KANK1: variants seen among roughly 807,000 people sequenced by gnomAD.
KANK1 encodes the protein KN motif and ankyrin repeat domains 1.
A neutral mutation model predicts 106.2 loss-of-function variants in KANK1; 109 were observed. The observed-to-expected ratio is 1.03, with a 90% CI of 0.88 to 1.20. KANK1 has a LOEUF of 1.20. Among genes scored for constraint, KANK1 ranks in the 50% most tolerant of loss-of-function variants. KANK1 has a pLI of 0.00. For missense variants in KANK1, 2,399 were observed against 1,710.7 expected, an observed-to-expected ratio of 1.40 and a Z score of -7.10; for synonymous variants, 873 against 652.2, an observed-to-expected ratio of 1.34 and a Z score of -5.16.
At position 741,041 on chromosome 9, in the gene KANK1, T is replaced by G. The variant is rs7027169; in HGVS notation, c.3696+107T>G. 0.44 allele frequency: 558,800 copies of G among 1,256,646 alleles called. 128,107 individuals are homozygous for G. The highest frequency in any genetic ancestry group is 0.55 in the African/African-American group (36,747 of 66,430). The allele number at this position is 1,256,646 out of a possible 1,614,324, so 77.8% of individuals were successfully genotyped here. On this transcript the variant is annotated intron_variant, in intron 9 of 11. Transcript: ENST00000382297. Reference sequence around the variant, plus strand: ...CATAGATGCCACGCTTCCACCACAGTGCACTTGTTTGCAGGCCTGCCCTGA... The same window carrying G: ...CATAGATGCCACGCTTCCACCACAGGGCACTTGTTTGCAGGCCTGCCCTGA...
chr9:482,647 C>T (rs1473830102), intron 3 of KANK1, among the ~76,000 whole-genome samples: 1 of 152,220 alleles, frequency 6.6e-6, no homozygotes, highest in Non-Finnish European at 1.5e-5. Context: ...GTTATCACTG[C>T]ATGTGATTGT....
At chr9:483,379 G>C (rs958230008) in intron 3 of KANK1, among the ~76,000 whole-genome samples, 1 of 152,116 alleles carries the variant, frequency 6.6e-6, no homozygotes, top group African/African-American at 2.4e-5. Context: ...ACTGGTTTTG[G>C]TTTGAATCAA....
intron 1 of KANK1, among the ~76,000 whole-genome samples, chr9:550,380 A>G (rs183315932): frequency 2.7e-5 from 4 of 150,252 alleles, no homozygotes; most frequent in Middle Eastern, 3.4e-3. Flanking sequence ...GCATCCGTAC[A>G]TGAAGCCTGA....
intron 1 of KANK1, among the ~76,000 whole-genome samples, chr9:637,022 C>G (rs925321341): frequency 6.6e-6 from 1 of 152,138 alleles, no homozygotes; most frequent in African/African-American, 2.4e-5. Context: ...AATATTTTAT[C>G]TAGTACTTTA....
At chr9:541,685 C>A (rs559627358) in intron 1 of KANK1, among the ~76,000 whole-genome samples, 8 of 152,108 alleles carry the variant, frequency 5.3e-5, no homozygotes, top group African/African-American at 1.9e-4. Context: ...AAGAGATGGC[C>A]TGTAGAATGG....
chr9:734,137 A>T (rs1341561601), intron 6 of KANK1: 1 of 146,660 alleles, frequency 6.8e-6, no homozygotes, highest in Non-Finnish European at 1.5e-5. Context: ...AAAAAAACTT[A>T]AAAATGGCAA....
chr9:602,093 C>G (rs139084680), intron 1 of KANK1, among the ~76,000 whole-genome samples: 1 of 151,738 alleles, frequency 6.6e-6, no homozygotes, highest in Non-Finnish European at 1.5e-5. Context: ...AATGCACATA[C>G]CCTGTAGAAA....
intron 7 of KANK1, among the ~76,000 whole-genome samples, chr9:735,374 C>G (rs1833500283): frequency 6.6e-6 from 1 of 152,132 alleles, no homozygotes; most frequent in African/African-American, 2.4e-5. Flanking sequence ...GAGCAAACAG[C>G]AAAGAGTTTG....
intron 1 of KANK1, among the ~76,000 whole-genome samples, chr9:543,060 A>G (rs1422657889): frequency 6.6e-6 from 1 of 152,240 alleles, no homozygotes; most frequent in Non-Finnish European, 1.5e-5. Context: ...CGAGGTGGGT[A>G]TGTTAATTAG....
At chr9:486,287 A>G (rs1356355191) in intron 3 of KANK1, among the ~76,000 whole-genome samples, 1 of 152,224 alleles carries the variant, frequency 6.6e-6, no homozygotes. Flanking sequence ...AAGTCCGTGT[A>G]ACTCTGAATT....
intron 1 of KANK1, among the ~76,000 whole-genome samples, chr9:638,713 T>C (rs920674333): frequency 6.6e-6 from 1 of 152,220 alleles, no homozygotes; most frequent in Non-Finnish European, 1.5e-5. Flanking sequence ...AAATTTGCGA[T>C]CTGCCCTTGA....
At chr9:510,226 A>G (rs914910112) in intron 1 of KANK1, among the ~76,000 whole-genome samples, 1 of 152,204 alleles carries the variant, frequency 6.6e-6, no homozygotes, top group Admixed American at 6.5e-5. Context: ...TAAAAATAGC[A>G]TAAATTGAAC....
chr9:578,514 A>C (rs992931703), intron 1 of KANK1, among the ~76,000 whole-genome samples: 2 of 152,084 alleles, frequency 1.3e-5, no homozygotes, highest in African/African-American at 2.4e-5. Flanking sequence ...CTATACAAAA[A>C]TCTTAAAAAC....
intron 10 of KANK1, among the ~76,000 whole-genome samples, chr9:742,696 G>A (rs907314500): frequency 2.6e-5 from 4 of 152,190 alleles, no homozygotes; most frequent in African/African-American, 9.6e-5. Context: ...CTCTACTAAA[G>A]GGAAATCAAT....
chr9:503,220 T>C (rs1424200649), upstream of KANK1, among the ~76,000 whole-genome samples: 1 of 151,974 alleles, frequency 6.6e-6, no homozygotes, highest in African/African-American at 2.4e-5. Context: ...CTCCTTTTCA[T>C]AGAAGAGTAG....
intron 2 of KANK1, among the ~76,000 whole-genome samples, chr9:708,695 G>C (rs1825022727): frequency 6.6e-6 from 1 of 152,114 alleles, no homozygotes; most frequent in African/African-American, 2.4e-5. Flanking sequence ...GGGTTGGGAG[G>C]GCAGACAGCA....
At chr9:631,720 T>A (rs1199919539) in intron 1 of KANK1, among the ~76,000 whole-genome samples, 1 of 152,206 alleles carries the variant, frequency 6.6e-6, no homozygotes, top group Non-Finnish European at 1.5e-5. Context: ...CCTGTAGTCA[T>A]CCATCCCTTG....
intron 1 of KANK1, among the ~76,000 whole-genome samples, chr9:529,234 T>TAC (rs5895851): frequency 0.25 from 37,405 of 148,638 alleles, 4,709 homozygotes; most frequent in East Asian, 0.37. Flanking sequence ...TATATATATA[T>TAC]ACACACACAC....
intron 1 of KANK1, among the ~76,000 whole-genome samples, chr9:657,012 A>G (rs1032036799): frequency 9.9e-5 from 15 of 151,954 alleles, no homozygotes; most frequent in Non-Finnish European, 2.1e-4. Context: ...CACATGACTA[A>G]AATGCTGTGC....
Sources: gnomAD v4.1 joint callset for allele counts (sites outside exome capture counted in the v4.1 genomes callset) on GRCh38, gnomAD v4.1.1 for gene constraint, MANE v1.5 for transcripts, NCBI Gene and HGNC (gene_info 2026-07-23, HGNC 2026-07-21) for gene names.